FANCL: variants seen among roughly 807,000 people sequenced by gnomAD.
The protein encoded by FANCL is E3 ubiquitin-protein ligase FANCL.
FANCL carries 69 observed loss-of-function variants against 59.4 expected under a neutral mutation model. The observed-to-expected ratio is 1.16, with a 90% CI of 0.96 to 1.42. The LOEUF (loss-of-function observed/expected upper bound fraction) is 1.42, where lower values mean the gene tolerates loss of function less well. Among genes scored for constraint, FANCL ranks in the 40% most tolerant of loss-of-function variants. The pLI, the probability that FANCL is intolerant of heterozygous loss-of-function variation, is 0.00. For missense variants in FANCL, 519 were observed against 447.2 expected (o/e 1.16, Z -1.45); for synonymous variants, 180 against 147.1 (o/e 1.22, Z -1.62).
At chr2:58,162,180 C>T (rs1359553886) in intron 11 of FANCL, among the ~76,000 whole-genome samples, 1 of 151,916 alleles carries the variant, frequency 6.6e-6, no homozygotes, top group African/African-American at 2.4e-5. Context: ...AAGAAACTCA[C>T]TACCATTTAG....
At chr2:58,229,042 C>T (rs1693312019) in intron 3 of FANCL, among the ~76,000 whole-genome samples, 1 of 152,022 alleles carries the variant, frequency 6.6e-6, no homozygotes, top group Non-Finnish European at 1.5e-5. Flanking sequence ...GGATGATAAC[C>T]TTCATTCTAT....
chr2:58,232,134 ATCAC>A, intron 1 of FANCL, 22 bp from the exon 2 acceptor site: 4 of 1,601,658 alleles, frequency 2.5e-6, no homozygotes, highest in Non-Finnish European at 2.6e-6. Context: ...ATTGAAAAGG[ATCAC>A]TCAAATTTTT....
chr2:58,179,654 C>A (rs1445571601), intron 7 of FANCL, among the ~76,000 whole-genome samples: 1 of 152,124 alleles, frequency 6.6e-6, no homozygotes. Context: ...CTAGGCAAAA[C>A]CATTCAGTAC....
At chr2:58,172,295 T>A (rs1686727307) in intron 7 of FANCL, among the ~76,000 whole-genome samples, 2 of 152,214 alleles carry the variant, frequency 1.3e-5, no homozygotes, top group Non-Finnish European at 2.9e-5. Flanking sequence ...GCAGACTGCC[T>A]CCTTAAGTGG....
intron 7 of FANCL, among the ~76,000 whole-genome samples, chr2:58,183,384 T>G (rs538803072): frequency 6.6e-6 from 1 of 151,066 alleles, no homozygotes; most frequent in Non-Finnish European, 1.5e-5. Context: ...AGCTTTTCCA[T>G]CATTAACTGA....
At chr2:58,226,059 G>T (rs1050568479) in intron 4 of FANCL, among the ~76,000 whole-genome samples, 22 of 151,930 alleles carry the variant, frequency 1.4e-4, no homozygotes, top group African/African-American at 5.1e-4. Context: ...TTTACAGAGG[G>T]ATACATACAA....
At chr2:58,202,194 G>C (rs1573690150) in intron 6 of FANCL, among the ~76,000 whole-genome samples, 2 of 124,298 alleles carry the variant, frequency 1.6e-5, no homozygotes, top group East Asian at 2.5e-4. Context: ...GTAAAAGTTT[G>C]ACAATTAGTT....
At chr2:58,168,426 G>A (rs1686184516) in intron 7 of FANCL, among the ~76,000 whole-genome samples, 1 of 152,146 alleles carries the variant, frequency 6.6e-6, no homozygotes, top group South Asian at 2.1e-4. Flanking sequence ...GCCCAGATAT[G>A]CTTTTCCCAC....
intron 8 of FANCL, among the ~76,000 whole-genome samples, chr2:58,164,156 T>G (rs1188352517): frequency 1.3e-5 from 2 of 152,058 alleles, no homozygotes; most frequent in African/African-American, 4.8e-5. Context: ...TTTATACATT[T>G]TAACTGTACT....
intron 7 of FANCL, among the ~76,000 whole-genome samples, chr2:58,196,558 T>C (rs1410355291): frequency 2.6e-5 from 4 of 151,936 alleles, no homozygotes; most frequent in Non-Finnish European, 5.9e-5. Context: ...ATTAATATAA[T>C]ATTTATTCCA....
intron 7 of FANCL, among the ~76,000 whole-genome samples, chr2:58,182,049 T>A (rs181933795): frequency 1.3e-5 from 2 of 151,796 alleles, no homozygotes; most frequent in African/African-American, 2.4e-5. Flanking sequence ...CTTTGAAATG[T>A]CTATGATAAG....
intron 7 of FANCL, among the ~76,000 whole-genome samples, chr2:58,179,312 C>G (rs1427042226): frequency 3.3e-5 from 5 of 152,168 alleles, no homozygotes; most frequent in African/African-American, 1.2e-4. Context: ...CTGGAAGCAT[C>G]ATGCTACCTG....
rs1225835918 is a variant in FANCL at position 58,181,852 on chromosome 2, C to G, written c.541-15978G>C. ...GAGTTATTTGTTATAACTGAGAAAGCTGACCAAATTATTATTTCTGGATTA... is the reference window on the plus strand; with the variant it reads ...GAGTTATTTGTTATAACTGAGAAAGGTGACCAAATTATTATTTCTGGATTA... On this transcript the variant is annotated intron_variant, in intron 7 of 13. Coordinates refer to ENST00000233741, the MANE Select transcript of FANCL (RefSeq NM_018062.4). Among the ~76,000 whole-genome samples, 11 of 151,646 alleles carry G rather than the reference C, an allele frequency of 7.3e-5. No homozygotes were observed. The South Asian group carries it at 1.0e-3, about 14-fold the overall frequency.
intron 7 of FANCL, among the ~76,000 whole-genome samples, chr2:58,197,083 A>T (rs189783871): frequency 4.0e-5 from 6 of 151,830 alleles, no homozygotes; most frequent in African/African-American, 1.4e-4. Context: ...AAATACCAAA[A>T]GCAAATTACA....
intron 6 of FANCL, among the ~76,000 whole-genome samples, chr2:58,203,869 T>C (rs1026582050): frequency 1.3e-5 from 2 of 152,050 alleles, no homozygotes; most frequent in African/African-American, 4.8e-5. Flanking sequence ...ACCATGGTAC[T>C]CTGAGTCTAT....
At chr2:58,194,701 C>A (rs1689263551) in intron 7 of FANCL, among the ~76,000 whole-genome samples, 1 of 151,950 alleles carries the variant, frequency 6.6e-6, no homozygotes. Flanking sequence ...CCTGCACTGG[C>A]TACTAGGCTT....
At chr2:58,204,040 T>TA in intron 6 of FANCL, 90 bp downstream of exon 6, 2 of 971,198 alleles carry the variant, frequency 2.1e-6, no homozygotes, top group South Asian at 2.6e-5. Context: ...TTTTTAGATG[T>TA]AACTAGCACT....
chr2:58,185,028 G>T (rs1300074499), intron 7 of FANCL, among the ~76,000 whole-genome samples: 5 of 152,080 alleles, frequency 3.3e-5, no homozygotes, highest in South Asian at 4.1e-4. Context: ...GAAAAAAGAG[G>T]CACAGGCCAA....
At chr2:58,187,573 A>C (rs1455966591) in intron 7 of FANCL, among the ~76,000 whole-genome samples, 3 of 152,174 alleles carry the variant, frequency 2.0e-5, no homozygotes, top group Non-Finnish European at 4.4e-5. Context: ...AATAATAAAA[A>C]AAAAAAAGTG....
Sources: gnomAD v4.1 joint callset for allele counts (sites outside exome capture counted in the v4.1 genomes callset) on GRCh38, gnomAD v4.1.1 for gene constraint, MANE v1.5 for transcripts, NCBI Gene and HGNC (gene_info 2026-07-23, HGNC 2026-07-21) for gene names.